AIPL1: variants seen among roughly 807,000 people sequenced by gnomAD.
The protein encoded by AIPL1 is aryl-hydrocarbon-interacting protein-like 1.
In AIPL1, 23 loss-of-function variants were observed where a neutral mutation model predicts 32.9. That is an observed-to-expected ratio of 0.70 (90% CI 0.50 to 0.99). The LOEUF (loss-of-function observed/expected upper bound fraction) is 0.99, where lower values mean the gene tolerates loss of function less well. Ranked by LOEUF, AIPL1 falls within the 50% of genes least tolerant of loss-of-function variation. The pLI, the probability that AIPL1 is intolerant of heterozygous loss-of-function variation, is 0.00. For synonymous variants in AIPL1, 210 were observed against 209.4 expected (o/e 1.00, Z -0.02); for missense variants, 485 against 506.0 (o/e 0.96, Z 0.40).
At position 6,426,789 on chromosome 17, in the gene AIPL1, G is replaced by A. The variant is rs2292545; in HGVS notation, c.643-33C>T. On this transcript the variant is annotated intron_variant, in intron 4 of 5. Coordinates refer to ENST00000381129, the MANE Select transcript of AIPL1 (RefSeq NM_014336.5). ...GGGAGAAGGTCAGCCATGACCTCAG[G>A]CAGCTGCCCAACCCCCGCCCCACCC... 418,518 of 1,612,572 alleles carry A rather than the reference G, an allele frequency of 0.26. 57,332 individuals are homozygous for A. Among genetic ancestry groups the A allele is most frequent in the Middle Eastern group, 0.36 (2,209 of 6,060 alleles).
At chr17:6,430,316 T>G (rs965596477) in intron 2 of AIPL1, among the ~76,000 whole-genome samples, 2 of 151,528 alleles carry the variant, frequency 1.3e-5, no homozygotes, top group Admixed American at 6.6e-5. Context: ...ATTGGCCCGG[T>G]GTGGTGGTGA....
At chr17:6,432,636 C>CTTT (rs371687670) in intron 2 of AIPL1, among the ~76,000 whole-genome samples, 171 of 146,820 alleles carry the variant, frequency 1.2e-3, no homozygotes, top group African/African-American at 4.0e-3. Context: ...TTAATATCCT[C>CTTT]TTTTTTTTTT....
At chr17:6,431,710 A>T (rs553788188) in intron 2 of AIPL1, among the ~76,000 whole-genome samples, 3 of 152,336 alleles carry the variant, frequency 2.0e-5, no homozygotes, top group South Asian at 4.1e-4. Context: ...GCCTCTGATG[A>T]AATAATGAGT....
In AIPL1 at chr17:6,424,476, G is replaced by C. The variant is rs1410782724; in HGVS notation, c.*984C>G. 1 of 152,322 alleles carries C rather than the reference G, an allele frequency of 6.6e-6. No individual in the cohort carries two copies. The highest frequency in any genetic ancestry group is 1.5e-5 in the Non-Finnish European group (1 of 68,100). 9.4% of individuals were successfully genotyped at this position (152,322 alleles called of 1,614,324 possible). ...TGGGGTAGCCCTGCTCTGCAGGGCA[G>C]TCACAGAGCTGCAACACTGCAGCTT... is the stretch of plus-strand genomic sequence containing the variant. On this transcript the variant is annotated 3_prime_UTR_variant, in exon 6 of 6. Coordinates refer to ENST00000381129, the MANE Select transcript of AIPL1 (RefSeq NM_014336.5).
Position 6,425,534 on chromosome 17 carries a change from C to T in AIPL1, c.1081G>A (p.Glu361Lys), listed in dbSNP as rs1278686032. ...TCTGCAGGGGGCCCTGCGGACAGCT[C>T]TGCAGATGGTGCTGTGGGTGGCTCT... ...PAEPPTAPSA[E>K]LSAGPPAEPA... Residue 361 changes from glutamate to lysine, a missense_variant, in exon 6 of 6, where the codon GAG (glutamate) becomes AAG (lysine). By Grantham distance (56) the Glu-to-Lys change is moderately conservative (BLOSUM62 1). Coordinates refer to ENST00000381129, the MANE Select transcript of AIPL1 (RefSeq NM_014336.5). 1 of 1,612,174 alleles carries T rather than the reference C, an allele frequency of 6.2e-7. No homozygotes were observed. Among genetic ancestry groups the T allele is most frequent in the East Asian group, 2.2e-5 (1 of 44,832 alleles).
chr17:6,426,820 G>C lies in AIPL1; in HGVS notation c.642+61C>G. 3 of 1,612,044 alleles carry C rather than the reference G, an allele frequency of 1.9e-6. No individual in the cohort carries two copies. The Admixed American group carries it at 5.0e-5, about 27-fold the overall frequency. The stretch of plus-strand genomic sequence containing the variant: ...GCCCAACCCCCGCCCCACCCTGGCC[G>C]GCACTGGGCAGGCCCCCCAGAGTCA... On this transcript the variant is annotated intron_variant, in intron 4 of 5. Coordinates refer to ENST00000381129, the MANE Select transcript of AIPL1 (RefSeq NM_014336.5).
chr17:6,434,836 C>T, intron 1 of AIPL1, 173 bp downstream of exon 1: 1 of 1,228,334 alleles, frequency 8.1e-7, no homozygotes, highest in Non-Finnish European at 1.1e-6. Context: ...TGCAAAGTAC[C>T]AAAAATGCCC....
At chr17:6,433,886 G>A (rs1223972211) in intron 2 of AIPL1, 33 bp downstream of exon 2, 2 of 1,608,676 alleles carry the variant, frequency 1.2e-6, no homozygotes, top group Non-Finnish European at 1.7e-6. Flanking sequence ...GAAAAGACTA[G>A]TCCCAGGAGA....
chr17:6,426,006 G>T, intron 5 of AIPL1, 176 bp from the exon 6 acceptor site: 1 of 1,026,512 alleles, frequency 9.7e-7, no homozygotes, highest in Non-Finnish European at 1.4e-6. Flanking sequence ...GATCATAATA[G>T]CAGTACCTCC....
intron 3 of AIPL1, 45 bp from the exon 4 acceptor site, chr17:6,427,102 C>T: frequency 6.2e-6 from 10 of 1,610,270 alleles, no homozygotes; most frequent in Non-Finnish European, 8.5e-6. Flanking sequence ...CCCCAGGGGC[C>T]TGCACCCCAT....
At chr17:6,428,116 A>G (rs189475031) in intron 3 of AIPL1, among the ~76,000 whole-genome samples, 518 of 152,340 alleles carry the variant, frequency 3.4e-3, no homozygotes, top group Middle Eastern at 0.014. Context: ...CACCATGCCC[A>G]GCACCAAAGG....
chr17:6,431,630 G>T (rs1912616134), intron 2 of AIPL1, among the ~76,000 whole-genome samples: 1 of 152,150 alleles, frequency 6.6e-6, no homozygotes, highest in African/African-American at 2.4e-5. Flanking sequence ...GACTACCCCA[G>T]GTCACACAAC....
At chr17:6,430,456 C>CAA (rs1169701817) in intron 2 of AIPL1, among the ~76,000 whole-genome samples, 784 of 43,066 alleles carry the variant, frequency 0.018, 25 homozygotes, top group African/African-American at 0.027. Context: ...AAGTCCGTCT[C>CAA]AAAAAAAAAA....
intron 2 of AIPL1, among the ~76,000 whole-genome samples, chr17:6,431,411 G>A (rs562031775): frequency 1.6e-4 from 25 of 151,690 alleles, no homozygotes; most frequent in African/African-American, 4.6e-4. Flanking sequence ...AGCCAAGATC[G>A]TGCCAGTACA....
chr17:6,425,492 G>GTGGCTCTGTGGC lies in AIPL1; in HGVS notation c.1111_1122dup (p.Ala371_Pro374dup), dbSNP rs760000705. The GTGGCTCTGTGGC allele has an allele frequency of 8.1e-5, 130 of 1,606,198 alleles. No individual in the cohort carries two copies. In the African/African-American group the frequency reaches 1.6e-3, roughly 20 times the overall value. On this transcript the variant is annotated inframe_insertion, in exon 6 of 6. Coordinates refer to ENST00000381129, the MANE Select transcript of AIPL1 (RefSeq NM_014336.5). ...TGCAGCGAGTGCCCTGGGGACGGGG[G>GTGGCTCTGTGGC]TGGCTCTGTGGCTGGCTCTGCAGGG...
rs1225640859 is a variant in AIPL1 at position 6,433,824 on chromosome 17, G to C, written c.276+95C>G. ...ACTGGCTTTGCAAAGCTTCGCTTGA[G>C]TCCCAGCTTTCCCGAAACACAGCAG... is the stretch of plus-strand genomic sequence containing the variant. On this transcript the variant is annotated intron_variant, in intron 2 of 5. Transcript: ENST00000381129. 4.1e-6 allele frequency: 6 copies of C among 1,459,650 alleles called. No individual in the cohort carries two copies. The African/African-American group carries it at 8.7e-5, about 21-fold the overall frequency. The allele number at this position is 1,459,650 out of a possible 1,614,324, so 90.4% of individuals were successfully genotyped here.
intron 5 of AIPL1, 50 bp from the exon 6 acceptor site, chr17:6,425,880 G>A: frequency 1.9e-6 from 3 of 1,584,044 alleles, no homozygotes; most frequent in South Asian, 1.1e-5. Context: ...CAGCCTCAGA[G>A]GCAGCCCCAG....
intron 2 of AIPL1, among the ~76,000 whole-genome samples, chr17:6,433,462 G>T (rs1197346199): frequency 6.6e-6 from 1 of 152,138 alleles, no homozygotes. Flanking sequence ...GTGTGGTGGT[G>T]CACCTGTAGT....
chr17:6,425,645 G>A lies in AIPL1; in HGVS notation c.970C>T (p.Arg324Trp), dbSNP rs375096209. The change falls in exon 6 of 6, where the codon CGG becomes TGG. Residue 324 changes from arginine to tryptophan, a missense_variant. Transcript: ENST00000381129. ...GTGGCACCCTGGCTCAGCATGTTCC[G>A]GCAGCGCAGCCGCTCCTCCTCCTGC... ...EKQEEERLRC[R>W]NMLSQGATQP... The A allele has an allele frequency of 4.3e-6, 7 of 1,612,022 alleles. No homozygotes were observed. Among genetic ancestry groups the A allele is most frequent in the African/African-American group, 2.7e-5 (2 of 75,018 alleles).
Sources: gnomAD v4.1 joint callset for allele counts (sites outside exome capture counted in the v4.1 genomes callset) on GRCh38, gnomAD v4.1.1 for gene constraint, MANE v1.5 for transcripts, NCBI Gene and HGNC (gene_info 2026-07-23, HGNC 2026-07-21) for gene names.